The following PSMC2 variants were observed in gnomAD, a reference collection of about 807,000 sequenced individuals.
PSMC2 encodes the protein proteasome 26S subunit, ATPase 2, also known as 26S proteasome regulatory subunit 7.
PSMC2 carries 7 observed loss-of-function variants against 53.3 expected under a neutral mutation model. The observed-to-expected ratio is 0.13, with a 90% CI of 0.07 to 0.25. PSMC2 has a LOEUF of 0.25. Among genes scored for constraint, PSMC2 ranks in the 10% least tolerant of loss-of-function variants. The probability of loss-of-function intolerance (pLI) is 1.00; values close to 1 mark genes in which losing one functional copy is unlikely to be tolerated. For missense variants in PSMC2, 241 were observed against 544.0 expected, an observed-to-expected ratio of 0.44 and a Z score of 5.54; for synonymous variants, 169 against 183.9, an observed-to-expected ratio of 0.92 and a Z score of 0.66.
intron 3 of PSMC2, 141 bp downstream of exon 3, chr7:103,355,090 C>T: frequency 3.1e-6 from 2 of 652,984 alleles, no homozygotes; most frequent in Non-Finnish European, 5.3e-6. Flanking sequence ...GAAATTAGAT[C>T]TCATTTAACC....
At chr7:103,358,429 T>A (rs1317936783) in intron 4 of PSMC2, among the ~76,000 whole-genome samples, 1 of 152,198 alleles carries the variant, frequency 6.6e-6, no homozygotes, top group East Asian at 1.9e-4. Flanking sequence ...CCCTTATTCC[T>A]GAATTCTCTT....
intron 1 of PSMC2, chr7:103,348,509 G>A: frequency 1.5e-6 from 1 of 650,886 alleles, no homozygotes; most frequent in South Asian, 1.5e-5. Context: ...ATACAGTAAT[G>A]TATTTATTAT....
chr7:103,367,947 G>C lies in PSMC2; in HGVS notation c.1195G>C (p.Ala399Pro). ...AGAGGCTGGTATGTTTGCCATCAGA[G>C]CACGGCGAAAAATTGCTACCGAGAA... The part of the protein sequence containing the change: ...CTEAGMFAIR[A>P]RRKIATEKDF... Residue 399 changes from alanine to proline, a missense_variant, in exon 12 of 12, where the codon GCA (alanine) becomes CCA (proline). By Grantham distance (27) the Ala-to-Pro change is conservative (BLOSUM62 -1). Coordinates refer to ENST00000292644, the MANE Select transcript of PSMC2 (RefSeq NM_002803.4). The surrounding 1 kb of genome is among the most constrained non-coding windows in gnomAD (Gnocchi z 6.1). 6.2e-7 allele frequency: 1 copy of C among 1,614,028 alleles called. No homozygotes were observed. Among genetic ancestry groups the C allele is most frequent in the Non-Finnish European group, 8.5e-7 (1 of 1,179,996 alleles).
chr7:103,362,136 G>GT (rs779208281), intron 5 of PSMC2, 48 bp downstream of exon 5: 1 of 1,604,830 alleles, frequency 6.2e-7, no homozygotes, highest in Admixed American at 1.8e-5. Context: ...TAAGGATACT[G>GT]TCTCACATTC....
At chr7:103,352,667 TAC>T in intron 1 of PSMC2, 1 of 555,822 alleles carries the variant, frequency 1.8e-6, no homozygotes, top group South Asian at 2.0e-5. Flanking sequence ...GGCCTGGGAT[TAC>T]AAGTGTGAGC....
chr7:103,362,802 T>G, intron 6 of PSMC2, 44 bp downstream of exon 6: 1 of 1,443,906 alleles, frequency 6.9e-7, no homozygotes, highest in Non-Finnish European at 9.6e-7. Context: ...GTCTTTTTTT[T>G]TTTTTTTTTT....
intron 4 of PSMC2, among the ~76,000 whole-genome samples, chr7:103,356,340 G>T (rs1270512902): frequency 6.6e-6 from 1 of 152,144 alleles, no homozygotes; most frequent in Admixed American, 6.5e-5. Context: ...ATGTTTCTCA[G>T]TGTATGTGCA....
chr7:103,362,456 C>T, intron 5 of PSMC2: 1 of 1,367,394 alleles, frequency 7.3e-7, no homozygotes, highest in Non-Finnish European at 9.4e-7. Flanking sequence ...AAAAAAAAAT[C>T]TCCCCTCCCT....
chr7:103,366,254 T>A, intron 9 of PSMC2, 91 bp downstream of exon 9: 2 of 1,141,344 alleles, frequency 1.8e-6, no homozygotes, highest in Non-Finnish European at 2.6e-6. Context: ...TTGTACAGAA[T>A]TTTAACTCCA....
chr7:103,348,781 C>T, intron 1 of PSMC2: 1 of 943,656 alleles, frequency 1.1e-6, no homozygotes, highest in Non-Finnish European at 1.7e-6. Flanking sequence ...AGTGATCTTC[C>T]TTCAAAGGAT....
Position 103,347,706 on chromosome 7 carries a change from G to A in PSMC2, c.-6G>A. 6.2e-7 allele frequency: 1 copy of A among 1,613,894 alleles called. No individual in the cohort carries two copies. ...TTAAGGAGCGGAGGCTTTTGGAGCT[G>A]CTAAAATGCCGGATTACCTCGGTGC... is the stretch of plus-strand genomic sequence containing the variant. On this transcript the variant is annotated 5_prime_UTR_variant, in exon 1 of 12. Coordinates refer to ENST00000292644, the MANE Select transcript of PSMC2 (RefSeq NM_002803.4).
intron 3 of PSMC2, 99 bp downstream of exon 3, chr7:103,355,048 TA>T (rs767387126): frequency 7.6e-6 from 6 of 790,194 alleles, no homozygotes; most frequent in East Asian, 2.7e-5. Flanking sequence ...ATTACAGATT[TA>T]AAAAAAATCA....
intron 1 of PSMC2, among the ~76,000 whole-genome samples, chr7:103,350,563 C>T (rs1819704720): frequency 6.6e-6 from 1 of 152,136 alleles, no homozygotes; most frequent in South Asian, 2.1e-4. Flanking sequence ...ATCATAGTCA[C>T]TGCAGGCTGG....
intron 1 of PSMC2, among the ~76,000 whole-genome samples, chr7:103,349,781 A>T (rs1048703039): frequency 7.9e-5 from 12 of 152,138 alleles, no homozygotes; most frequent in African/African-American, 2.7e-4. Flanking sequence ...AAGCTTTCCG[A>T]TCTCAACTTG....
chr7:103,354,700 T>C (rs1299918733), intron 2 of PSMC2, among the ~76,000 whole-genome samples, 168 bp from the exon 3 acceptor site: 2 of 152,158 alleles, frequency 1.3e-5, no homozygotes, highest in African/African-American at 4.8e-5. Flanking sequence ...TGCATAATAG[T>C]GGATTGTGTA....
intron 4 of PSMC2, among the ~76,000 whole-genome samples, chr7:103,356,236 T>G (rs1415051900): frequency 6.6e-6 from 1 of 152,202 alleles, no homozygotes; most frequent in African/African-American, 2.4e-5. Flanking sequence ...TTTCTTGTGT[T>G]TTTAAAAAAT....
At chr7:103,347,905 T>A in intron 1 of PSMC2, 124 bp downstream of exon 1, 4 of 1,036,002 alleles carry the variant, frequency 3.9e-6, no homozygotes, top group Non-Finnish European at 5.9e-6. Flanking sequence ...CCCCTAGTAA[T>A]TTAGTCTGGA....
chr7:103,356,918 A>G (rs944602735), intron 4 of PSMC2, among the ~76,000 whole-genome samples: 13 of 152,222 alleles, frequency 8.5e-5, no homozygotes, highest in Non-Finnish European at 1.6e-4. Flanking sequence ...AGTTCCTAAA[A>G]GCTAAAGATT....
intron 8 of PSMC2, among the ~76,000 whole-genome samples, chr7:103,365,830 A>G (rs1359342124): frequency 6.6e-6 from 1 of 151,940 alleles, no homozygotes; most frequent in Non-Finnish European, 1.5e-5. Context: ...CGGGAGGCTG[A>G]GGTAGGGGAA....
Sources: allele counts gnomAD v4.1 joint callset (sites outside exome capture counted in the v4.1 genomes callset), GRCh38; gene constraint gnomAD v4.1.1; non-coding constraint Gnocchi (gnomAD v3.1); transcripts MANE v1.5; gene names NCBI Gene and HGNC (gene_info 2026-07-23, HGNC 2026-07-21).